The following TMEM245 variants were observed in gnomAD, a reference collection of about 807,000 sequenced individuals.
TMEM245 encodes the protein protein CG-2.
Under a neutral mutation model 101.2 loss-of-function variants are expected in TMEM245, and 69 were observed. That is an observed-to-expected ratio of 0.68 (90% CI 0.56 to 0.83). The LOEUF is 0.83. Ranked by LOEUF, TMEM245 falls within the 40% of genes least tolerant of loss-of-function variation. The pLI is 0.00. For missense variants in TMEM245, 1,075 were observed against 1,092.8 expected (o/e 0.98, Z 0.23); for synonymous variants, 537 against 449.8 (o/e 1.19, Z -2.45).
intron 1 of TMEM245, among the ~76,000 whole-genome samples, chr9:109,117,946 A>C (rs575153746): frequency 6.6e-6 from 1 of 152,368 alleles, no homozygotes; most frequent in East Asian, 1.9e-4. Flanking sequence ...GATAAAGGAT[A>C]AAGAGCGCTG....
At chr9:109,082,961 A>G (rs947413399) in intron 7 of TMEM245, among the ~76,000 whole-genome samples, 1 of 152,186 alleles carries the variant, frequency 6.6e-6, no homozygotes, top group African/African-American at 2.4e-5. Flanking sequence ...TCAAAAAAGA[A>G]GCTAAGAAGT....
chr9:109,051,116 C>T (rs1455696755), intron 12 of TMEM245, among the ~76,000 whole-genome samples: 1 of 151,826 alleles, frequency 6.6e-6, no homozygotes, highest in Non-Finnish European at 1.5e-5. Flanking sequence ...CATAGTAAAA[C>T]CCTGTCTCTA....
rs377329878 is a variant in TMEM245, at chr9:109,052,486, T to C, written c.1855-1794A>G. Among the ~76,000 whole-genome samples, 14 of 152,354 alleles carry C rather than the reference T, an allele frequency of 9.2e-5. No homozygotes were observed. In the East Asian group the frequency reaches 2.1e-3, roughly 23 times the overall value. ...TTTTGTCATATGTCCATCTGTTCTATGAAAAGTCTTCTCCATTCCTTTCCT... is the reference window on the plus strand; with the variant it reads ...TTTTGTCATATGTCCATCTGTTCTACGAAAAGTCTTCTCCATTCCTTTCCT... On this transcript the variant is annotated intron_variant, in intron 12 of 17. Transcript: ENST00000374586.
intron 1 of TMEM245, 31 bp downstream of exon 1, chr9:109,119,304 G>T: frequency 1.3e-6 from 2 of 1,512,774 alleles, no homozygotes; most frequent in South Asian, 2.4e-5. Context: ...GACCACGGGC[G>T]GGGGACGGGG....
At chr9:109,073,875 T>A (rs1829414351) in intron 8 of TMEM245, among the ~76,000 whole-genome samples, 1 of 149,668 alleles carries the variant, frequency 6.7e-6, no homozygotes, top group Non-Finnish European at 1.5e-5. Context: ...TTTTTTTTTT[T>A]AGCCAGGTTC....
intron 9 of TMEM245, among the ~76,000 whole-genome samples, chr9:109,068,973 T>C (rs1423269050): frequency 6.6e-6 from 1 of 152,156 alleles, no homozygotes; most frequent in Non-Finnish European, 1.5e-5. Flanking sequence ...TGAAGCTACA[T>C]AGAGGATGAA....
rs1363916812 is a variant in TMEM245 at position 109,019,247 on chromosome 9, A to T, written c.*1213T>A. The T allele has an allele frequency of 6.6e-6, 1 of 152,252 alleles. No individual in the cohort carries two copies. Among genetic ancestry groups the T allele is most frequent in the Non-Finnish European group, 1.5e-5 (1 of 68,062 alleles). 9.4% of individuals were successfully genotyped at this position (152,252 alleles called of 1,614,324 possible). A position where few individuals can be genotyped will look rare whatever the true frequency, so the allele number is the denominator to read the frequency against. On this transcript the variant is annotated 3_prime_UTR_variant, in exon 18 of 18. Transcript: ENST00000374586. ...TGGGAAAACTGCATACAATATTTAG[A>T]AGGAACACTAATACAGCAGAATCTG...
At chr9:109,037,798 AT>A (rs35936519) in intron 15 of TMEM245, among the ~76,000 whole-genome samples, 1 of 152,086 alleles carries the variant, frequency 6.6e-6, no homozygotes, top group Admixed American at 6.6e-5. Flanking sequence ...TAATACAGCA[AT>A]TTTTTCTATG....
At chr9:109,041,210 G>A (rs1373452838) in intron 14 of TMEM245, among the ~76,000 whole-genome samples, 2 of 152,144 alleles carry the variant, frequency 1.3e-5, no homozygotes, top group African/African-American at 2.4e-5. Flanking sequence ...AACTGACCTA[G>A]TGCACAGTAG....
chr9:109,071,025 GTGT>G (rs1829315749), intron 9 of TMEM245, among the ~76,000 whole-genome samples: 1 of 152,028 alleles, frequency 6.6e-6, no homozygotes, highest in South Asian at 2.1e-4. Context: ...GGGATTACAG[GTGT>G]GTGCCACACA....
chr9:109,020,625 A>T (rs1013255131), intron 17 of TMEM245, 120 bp from the exon 18 acceptor site: 8 of 887,956 alleles, frequency 9.0e-6, no homozygotes, highest in Middle Eastern at 7.0e-4. Context: ...ATTTTCATTG[A>T]GTATTGTTTC....
rs539194188 is a variant in TMEM245, at chr9:109,059,684, C to CA, written c.1722+669dup. Among the ~76,000 whole-genome samples, 211 of 151,820 alleles carry CA rather than the reference C, an allele frequency of 1.4e-3. 1 individual carries two copies. Among genetic ancestry groups the CA allele is most frequent in the African/African-American group, 4.9e-3 (203 of 41,442 alleles). On this transcript the variant is annotated intron_variant, in intron 11 of 17. Coordinates refer to ENST00000374586, the MANE Select transcript of TMEM245 (RefSeq NM_032012.4). ...TGGGTGACAGAGCGAGACCCTGTCT[C>CA]AAAAAATAAATAAATAAATAATAAT...
At position 109,093,613 on chromosome 9, in the gene TMEM245, T is replaced by G. The variant is rs140224418; in HGVS notation, c.800-22A>C. The G allele has an allele frequency of 6.7e-4, 1,065 of 1,587,874 alleles. 18 individuals carry two copies. The East Asian group carries it at 0.02, about 31-fold the overall frequency. On this transcript the variant is annotated intron_variant, in intron 3 of 17. Coordinates refer to ENST00000374586, the MANE Select transcript of TMEM245 (RefSeq NM_032012.4). ...GCCCCTGTAAAAGAAGCATCCATTTTCAAAACTCTTTAAAGTAGGAAATAA... is the reference window on the plus strand; with the variant it reads ...GCCCCTGTAAAAGAAGCATCCATTTGCAAAACTCTTTAAAGTAGGAAATAA...
In TMEM245 at chr9:109,119,939, AG is replaced by A. The variant is rs751727672; in HGVS notation, c.-27del. ...CGTTCCTCCGCCACAGCCGCCCCCG[AG>A]GGGCGGTAATGGGAGTCGGGCTAGA... On this transcript the variant is annotated 5_prime_UTR_variant, in exon 1 of 18. Coordinates refer to ENST00000374586, the MANE Select transcript of TMEM245 (RefSeq NM_032012.4). 120 of 1,290,954 alleles carry A rather than the reference AG, an allele frequency of 9.3e-5. 1 individual carries two copies. The Admixed American group carries it at 1.6e-3, about 17-fold the overall frequency. 80.0% of individuals were successfully genotyped at this position (1,290,954 alleles called of 1,614,324 possible). A position where few individuals can be genotyped will look rare whatever the true frequency, so the allele number is the denominator to read the frequency against.
At chr9:109,087,119 A>G in intron 6 of TMEM245, 54 bp downstream of exon 6, 2 of 1,490,900 alleles carry the variant, frequency 1.3e-6, no homozygotes, top group South Asian at 1.4e-5. Context: ...AAAAGTTCAA[A>G]CCACGAAATA....
At position 109,119,553 on chromosome 9, in the gene TMEM245, G is replaced by C. The variant is rs140147240; in HGVS notation, c.361C>G (p.Leu121Val). The change falls in exon 1 of 18, where the codon CTG (leucine) becomes GTG (valine). Residue 121 changes from leucine (L) to valine (V), a missense_variant. This residue lies in a region of TMEM245 where 808 missense variants were observed against 741.5 expected (regional missense o/e 1.09). Coordinates refer to ENST00000374586, the MANE Select transcript of TMEM245 (RefSeq NM_032012.4). ...CAGAGCGGCAGGAGCAGCGCGGCCA[G>C]GACGATGGGCGTGTGCGCGCGGTGC... ...RLHRAHTPIV[L>V]AALLLPLCFV... is the part of the protein sequence containing the mutation. 4.6e-6 allele frequency: 7 copies of C among 1,536,472 alleles called. No individual in the cohort carries two copies. The highest frequency in any genetic ancestry group is 1.4e-5 in the African/African-American group (1 of 71,232).
intron 12 of TMEM245, among the ~76,000 whole-genome samples, chr9:109,054,122 G>A (rs527569445): frequency 3.9e-5 from 6 of 152,264 alleles, no homozygotes; most frequent in African/African-American, 1.4e-4. Flanking sequence ...CTTGAGCTCA[G>A]GAGCTCAAGA....
chr9:109,108,206 G>C (rs936585789), intron 2 of TMEM245, among the ~76,000 whole-genome samples: 2 of 152,010 alleles, frequency 1.3e-5, no homozygotes, highest in South Asian at 4.1e-4. Context: ...ATCCAAGGGT[G>C]CTCTACTTTT....
At chr9:109,083,123 G>T (rs1829716190) in intron 7 of TMEM245, among the ~76,000 whole-genome samples, 1 of 151,744 alleles carries the variant, frequency 6.6e-6, no homozygotes, top group Non-Finnish European at 1.5e-5. Flanking sequence ...AAAAAAAAAT[G>T]GGGGCACGGG....
Sources: gnomAD v4.1 joint callset for allele counts (sites outside exome capture counted in the v4.1 genomes callset) on GRCh38, gnomAD v4.1.1 for gene constraint, gnomAD v4.1.1 regional missense constraint, MANE v1.5 for transcripts, NCBI Gene and HGNC (gene_info 2026-07-23, HGNC 2026-07-21) for gene names.